Variants in GRIA4 observed in about 807,000 individuals in gnomAD.
GRIA4 encodes glutamate ionotropic receptor AMPA type subunit 4.
GRIA4 carries 34 observed loss-of-function variants against 104.0 expected under a neutral mutation model. That is an observed-to-expected ratio of 0.33 (90% confidence interval 0.25 to 0.44). GRIA4 has a LOEUF of 0.44. GRIA4 is among the 20% of genes least tolerant of loss of function. The pLI, the probability that GRIA4 is intolerant of heterozygous loss-of-function variation, is 1.00. For missense variants in GRIA4, 750 were observed against 1,096.5 expected (o/e 0.68, Z 4.46); for synonymous variants, 386 against 381.9 (o/e 1.01, Z -0.13).
chr11:105,906,373 A>G (rs1314917810), intron 9 of GRIA4, among the ~76,000 whole-genome samples: 1 of 152,204 alleles, frequency 6.6e-6, no homozygotes, highest in Non-Finnish European at 1.5e-5. Context: ...GAGGAAAACA[A>G]AGAAAGGAAG....
At chr11:105,964,828 C>T (rs1458287951) in intron 14 of GRIA4, among the ~76,000 whole-genome samples, 4 of 144,752 alleles carry the variant, frequency 2.8e-5, no homozygotes, top group Admixed American at 7.1e-5. Flanking sequence ...TGTTTTGAGA[C>T]GAAGTTTTGC....
intron 3 of GRIA4, among the ~76,000 whole-genome samples, chr11:105,752,358 C>T (rs1263917202): frequency 2.0e-5 from 3 of 152,056 alleles, no homozygotes; most frequent in South Asian, 2.1e-4. Context: ...CTCAGATATT[C>T]CAAGAATGAC....
intron 3 of GRIA4, among the ~76,000 whole-genome samples, chr11:105,742,602 ATATG>A (rs1438296185): frequency 9.4e-6 from 1 of 105,976 alleles, no homozygotes; most frequent in African/African-American, 3.1e-5. Flanking sequence ...GTATATATAT[ATATG>A]TGTGTGTGTG....
At chr11:105,845,592 C>T (rs1356614724) in intron 4 of GRIA4, among the ~76,000 whole-genome samples, 1 of 152,120 alleles carries the variant, frequency 6.6e-6, no homozygotes, top group Admixed American at 6.6e-5. Context: ...GATAAAAATA[C>T]CTATCCCAGG....
chr11:105,918,007 G>A (rs1451316116), intron 10 of GRIA4, among the ~76,000 whole-genome samples: 1 of 152,014 alleles, frequency 6.6e-6, no homozygotes, highest in Admixed American at 6.6e-5. Flanking sequence ...ACAACTGGAG[G>A]AAAATTATCA....
chr11:105,966,856 C>A (rs1042785151), intron 14 of GRIA4, among the ~76,000 whole-genome samples: 2 of 152,058 alleles, frequency 1.3e-5, no homozygotes, highest in Non-Finnish European at 2.9e-5. Flanking sequence ...ATCTAAAAAG[C>A]CTTTCAAATT....
At chr11:105,809,712 A>G (rs947603400) in intron 4 of GRIA4, among the ~76,000 whole-genome samples, 2 of 152,002 alleles carry the variant, frequency 1.3e-5, no homozygotes, top group Non-Finnish European at 2.9e-5. Context: ...ACGTGTCCTG[A>G]GGCCTCCCAA....
intron 3 of GRIA4, among the ~76,000 whole-genome samples, chr11:105,688,156 C>CTCTATCTATCTATCTA (rs201251122): frequency 5.9e-4 from 43 of 72,774 alleles, no homozygotes; most frequent in East Asian, 3.9e-3. Flanking sequence ...ATATCTATAT[C>CTCTATCTATCTATCTA]TCTATCTATC....
intron 3 of GRIA4, among the ~76,000 whole-genome samples, chr11:105,692,124 T>C (rs1199037835): frequency 6.6e-6 from 1 of 151,964 alleles, no homozygotes; most frequent in Non-Finnish European, 1.5e-5. Context: ...ATTGGATTGA[T>C]GATAATGATG....
intron 4 of GRIA4, among the ~76,000 whole-genome samples, chr11:105,844,416 T>C (rs1311233983): frequency 6.6e-6 from 1 of 152,176 alleles, no homozygotes; most frequent in African/African-American, 2.4e-5. Flanking sequence ...ACATAGTAAA[T>C]TATGAATTCT....
intron 3 of GRIA4, among the ~76,000 whole-genome samples, chr11:105,729,924 T>G (rs1380952356): frequency 6.6e-6 from 1 of 152,202 alleles, no homozygotes; most frequent in African/African-American, 2.4e-5. Flanking sequence ...GCCAATATCA[T>G]ACTGAGTGGG....
At chr11:105,653,946 T>C (rs1233120526) in intron 3 of GRIA4, among the ~76,000 whole-genome samples, 1 of 55,020 alleles carries the variant, frequency 1.8e-5, no homozygotes, top group African/African-American at 7.0e-5. Flanking sequence ...ATAAGAACAG[T>C]AAAAACAAAT....
At chr11:105,620,702 T>A (rs890897597) in intron 3 of GRIA4, among the ~76,000 whole-genome samples, 1 of 151,886 alleles carries the variant, frequency 6.6e-6, no homozygotes, top group Admixed American at 6.6e-5. Flanking sequence ...CAAATTCATG[T>A]CATAAACACA....
At chr11:105,831,491 C>T (rs761857713) in intron 4 of GRIA4, among the ~76,000 whole-genome samples, 3 of 151,960 alleles carry the variant, frequency 2.0e-5, no homozygotes, top group Non-Finnish European at 4.4e-5. Context: ...AGATGCCTTA[C>T]TAAATACACA....
chr11:105,859,631 C>A (rs1432970147), intron 4 of GRIA4, among the ~76,000 whole-genome samples: 1 of 151,982 alleles, frequency 6.6e-6, no homozygotes, highest in Non-Finnish European at 1.5e-5. Context: ...AGAAATGCAG[C>A]AATATTTAGA....
At position 105,675,315 on chromosome 11, in the gene GRIA4, C is replaced by G. The variant is rs549258963; in HGVS notation, c.247+62881C>G. 9.9e-5 allele frequency among the ~76,000 whole-genome samples: 15 copies of G among 151,808 alleles called. No homozygotes were observed. In the South Asian group the frequency reaches 3.1e-3, roughly 32 times the overall value. ...TTTTTGTGATCCAGTTAATTTGGAA[C>G]TGAAATCTTCTGCACATTTTGAATT... On this transcript the variant is annotated intron_variant, in intron 3 of 16. Coordinates refer to ENST00000282499, the MANE Select transcript of GRIA4 (RefSeq NM_000829.4).
At chr11:105,858,608 C>G (rs997928140) in intron 4 of GRIA4, among the ~76,000 whole-genome samples, 5 of 152,040 alleles carry the variant, frequency 3.3e-5, no homozygotes, top group Non-Finnish European at 5.9e-5. Context: ...TCTTATTTAT[C>G]TTATCTAACT....
chr11:105,716,731 T>G lies in GRIA4; in HGVS notation c.248-36250T>G, dbSNP rs72981096. Among the ~76,000 whole-genome samples, 1,296 of 152,268 alleles carry G rather than the reference T, an allele frequency of 8.5e-3. 6 individuals carry two copies. Among genetic ancestry groups the G allele is most frequent in the Admixed American group, 0.014 (207 of 15,270 alleles). On this transcript the variant is annotated intron_variant, in intron 3 of 16. Coordinates refer to ENST00000282499, the MANE Select transcript of GRIA4 (RefSeq NM_000829.4). ...CATTTTCTCTAGACACATCCTATTA[T>G]GAAGTTTCATAACTCAGCAGAAACA... is the stretch of plus-strand genomic sequence containing the variant.
At chr11:105,890,882 T>C (rs1034033252) in intron 6 of GRIA4, among the ~76,000 whole-genome samples, 2 of 152,248 alleles carry the variant, frequency 1.3e-5, no homozygotes, top group South Asian at 4.1e-4. Flanking sequence ...GCTGCGATTC[T>C]TTTTTCTTTT....
Sources: gnomAD v4.1 joint callset for allele counts (sites outside exome capture counted in the v4.1 genomes callset) on GRCh38, gnomAD v4.1.1 for gene constraint, MANE v1.5 for transcripts, NCBI Gene and HGNC (gene_info 2026-07-23, HGNC 2026-07-21) for gene names.